CUEDC1: variants seen among roughly 807,000 people sequenced by gnomAD.
CUEDC1 encodes CUE domain-containing protein 1.
In CUEDC1, 30 loss-of-function variants were observed where a neutral mutation model predicts 43.7. The ratio of observed to expected loss-of-function variants is 0.69; its 90% CI spans 0.51 to 0.93. The LOEUF is 0.93. CUEDC1 is among the 40% of genes least tolerant of loss of function. The probability of loss-of-function intolerance (pLI) is 0.00; values close to 1 mark genes in which losing one functional copy is unlikely to be tolerated. For missense variants in CUEDC1, 486 were observed against 549.0 expected (o/e 0.89, Z 1.15); for synonymous variants, 223 against 223.6 (o/e 1.00, Z 0.02).
At chr17:57,881,885 G>A (rs561709362) in intron 2 of CUEDC1, among the ~76,000 whole-genome samples, 21 of 152,284 alleles carry the variant, frequency 1.4e-4, no homozygotes, top group South Asian at 2.1e-4. Context: ...GAAGACAGGC[G>A]GCCGGCCAGG....
At chr17:57,902,529 A>G (rs139251152) in intron 1 of CUEDC1, among the ~76,000 whole-genome samples, 6 of 152,218 alleles carry the variant, frequency 3.9e-5, no homozygotes, top group African/African-American at 1.4e-4. Context: ...GTGCAAAATA[A>G]CTAAAGAGGA....
intron 1 of CUEDC1, among the ~76,000 whole-genome samples, chr17:57,926,189 C>G (rs1454795322): frequency 6.6e-6 from 1 of 152,156 alleles, no homozygotes; most frequent in East Asian, 1.9e-4. Flanking sequence ...GTGAGAAATG[C>G]CAGTTCTCCA....
At chr17:57,949,005 T>C (rs1219279540) in intron 1 of CUEDC1, among the ~76,000 whole-genome samples, 1 of 152,214 alleles carries the variant, frequency 6.6e-6, no homozygotes, top group East Asian at 1.9e-4. Flanking sequence ...TGCCTCACCC[T>C]GGCAAGGGTG....
chr17:57,939,725 C>T (rs550605384), intron 1 of CUEDC1, among the ~76,000 whole-genome samples: 1 of 152,078 alleles, frequency 6.6e-6, no homozygotes. Context: ...TGGTAGACAG[C>T]TGATCCACAC....
intron 9 of CUEDC1, 170 bp from the exon 10 acceptor site, chr17:57,866,714 G>A: frequency 1.6e-6 from 1 of 616,058 alleles, no homozygotes; most frequent in East Asian, 2.8e-5. Context: ...GAGGCAGCAG[G>A]ACACTCAGGT....
At chr17:57,926,586 A>G in intron 1 of CUEDC1, among the ~76,000 whole-genome samples, 1 of 152,194 alleles carries the variant, frequency 6.6e-6, no homozygotes, top group Admixed American at 6.5e-5. Flanking sequence ...TGAGGCCAAG[A>G]GTTCAAGACC....
chr17:57,880,604 C>T (rs1167940773), intron 2 of CUEDC1, among the ~76,000 whole-genome samples: 3 of 152,134 alleles, frequency 2.0e-5, no homozygotes, highest in African/African-American at 4.8e-5. Flanking sequence ...CTCCACTGAC[C>T]GACTTAGATT....
At chr17:57,932,477 C>T (rs1269226709) in intron 1 of CUEDC1, among the ~76,000 whole-genome samples, 2 of 147,344 alleles carry the variant, frequency 1.4e-5, no homozygotes, top group African/African-American at 2.5e-5. Flanking sequence ...CCCAGTTACT[C>T]GGGAGGCCGA....
chr17:57,891,251 C>G (rs2074352306), intron 1 of CUEDC1, among the ~76,000 whole-genome samples: 1 of 152,236 alleles, frequency 6.6e-6, no homozygotes, highest in African/African-American at 2.4e-5. Flanking sequence ...TCCCTCCGAC[C>G]CCAACCTGCT....
At position 57,874,910 on chromosome 17, in the gene CUEDC1, T is replaced by G. The variant is rs550043019; in HGVS notation, c.465-1193A>C. 1.9e-4 allele frequency among the ~76,000 whole-genome samples: 29 copies of G among 152,256 alleles called. 2 individuals are homozygous for G. Among genetic ancestry groups the G allele is most frequent in the African/African-American group, 5.8e-4 (24 of 41,554 alleles). ...GGCGGCAGCAGAAGGGATAACCAGCTGCTAAGTGCCTGGTGGGAGCTCAGC... is the reference window on the plus strand; with the variant it reads ...GGCGGCAGCAGAAGGGATAACCAGCGGCTAAGTGCCTGGTGGGAGCTCAGC... On this transcript the variant is annotated intron_variant, in intron 3 of 10. Transcript: ENST00000577830.
intron 6 of CUEDC1, chr17:57,869,840 G>T (rs1283322208): frequency 6.5e-6 from 1 of 153,022 alleles, no homozygotes; most frequent in East Asian, 1.9e-4. Context: ...GTTTTTTGCT[G>T]GTTTCTGAAG....
Position 57,868,992 on chromosome 17 carries a change from G to A in CUEDC1, c.940+130C>T, listed in dbSNP as rs767791728. 5.3e-4 allele frequency: 466 copies of A among 882,070 alleles called. 2 individuals carry two copies. The highest frequency in any genetic ancestry group is 9.7e-4 in the African/African-American group (58 of 59,896). 54.6% of individuals were successfully genotyped at this position (882,070 alleles called of 1,614,324 possible). ...AGGAAGGCTGAGGGAGCCAGCCTGC[G>A]ATGAAAATGTCACTGGTTCACCAAG... On this transcript the variant is annotated intron_variant, in intron 7 of 10. Transcript: ENST00000577830.
intron 1 of CUEDC1, among the ~76,000 whole-genome samples, chr17:57,915,741 G>A (rs536113072): frequency 6.6e-6 from 1 of 152,276 alleles, no homozygotes; most frequent in East Asian, 1.9e-4. Context: ...GGCTGTTTGG[G>A]CCAACACTTG....
intron 1 of CUEDC1, among the ~76,000 whole-genome samples, chr17:57,933,026 T>C (rs1466545257): frequency 6.6e-6 from 1 of 152,140 alleles, no homozygotes; most frequent in Non-Finnish European, 1.5e-5. Flanking sequence ...TCACCCCCAG[T>C]TGTAACACTG....
chr17:57,937,971 A>C (rs2074878393), intron 1 of CUEDC1, among the ~76,000 whole-genome samples: 1 of 152,190 alleles, frequency 6.6e-6, no homozygotes, highest in Admixed American at 6.5e-5. Flanking sequence ...GAAGCCAAAA[A>C]ATAAAATAAA....
intron 1 of CUEDC1, among the ~76,000 whole-genome samples, chr17:57,928,422 G>A (rs1434012024): frequency 6.6e-6 from 1 of 151,824 alleles, no homozygotes; most frequent in African/African-American, 2.4e-5. Flanking sequence ...GGTGGCGGGT[G>A]CCTGTAGTCC....
At chr17:57,920,829 G>A (rs2074691538) in intron 1 of CUEDC1, among the ~76,000 whole-genome samples, 1 of 151,794 alleles carries the variant, frequency 6.6e-6, no homozygotes. Flanking sequence ...AGAGAACAGG[G>A]TTTCGCCATG....
chr17:57,936,676 C>T (rs929685268), intron 1 of CUEDC1, among the ~76,000 whole-genome samples: 24 of 152,030 alleles, frequency 1.6e-4, no homozygotes, highest in Non-Finnish European at 2.5e-4. Flanking sequence ...AGACCTGAGC[C>T]GCAACCCGGG....
chr17:57,953,609 G>A (rs1459965728), intron 1 of CUEDC1, among the ~76,000 whole-genome samples: 8 of 151,560 alleles, frequency 5.3e-5, no homozygotes, highest in Admixed American at 4.6e-4. Context: ...TTGAATACAG[G>A]TGTCTCCCTA....
Sources: allele counts gnomAD v4.1 joint callset (sites outside exome capture counted in the v4.1 genomes callset), GRCh38; gene constraint gnomAD v4.1.1; transcripts MANE v1.5; gene names NCBI Gene and HGNC (gene_info 2026-07-23, HGNC 2026-07-21).